The following RECQL5 variants were observed in gnomAD, a reference collection of about 807,000 sequenced individuals.
RECQL5 encodes the protein RecQ like helicase 5.
RECQL5 carries 88 observed loss-of-function variants against 103.4 expected under a neutral mutation model. That is an observed-to-expected ratio of 0.85 (90% CI 0.72 to 1.02). The LOEUF is 1.02. RECQL5 is among the 50% of genes least tolerant of loss of function. RECQL5 has a pLI of 0.00. For missense variants in RECQL5, 1,232 were observed against 1,284.3 expected (o/e 0.96, Z 0.62); for synonymous variants, 552 against 507.9 (o/e 1.09, Z -1.17).
At chr17:75,652,864 A>C (rs1197306079) in intron 7 of RECQL5, among the ~76,000 whole-genome samples, 1 of 152,246 alleles carries the variant, frequency 6.6e-6, no homozygotes, top group Non-Finnish European at 1.5e-5. Context: ...TTAAGTTACC[A>C]ACAACTACCA....
At chr17:75,651,393 A>AGTG in intron 7 of RECQL5, 128 bp from the exon 8 acceptor site, 1 of 1,044,886 alleles carries the variant, frequency 9.6e-7, no homozygotes, top group Non-Finnish European at 1.4e-6. Flanking sequence ...AGGCTGAGCC[A>AGTG]GGAGGATCAT....
rs55982817 is a variant in RECQL5 at position 75,630,841 on chromosome 17, TG to T, written c.1586-5del. The T allele has an allele frequency of 0.029, 31,964 of 1,096,560 alleles. 23 individuals are homozygous for T. The highest frequency in any genetic ancestry group is 0.12 in the East Asian group (3,598 of 30,480). 67.9% of individuals were successfully genotyped at this position (1,096,560 alleles called of 1,614,324 possible). Reference sequence around the variant, plus strand: ...TCTTTCAGGGGACAGTTCTCATCTGTGGGGGGGGGGGGTGGTCCTTGGTCCT... The same window carrying T: ...TCTTTCAGGGGACAGTTCTCATCTGTGGGGGGGGGGGTGGTCCTTGGTCCT... On this transcript the variant is annotated splice_region_variant and splice_polypyrimidine_tract_variant and intron_variant, in intron 11 of 19. Transcript: ENST00000317905.
At chr17:75,631,288 T>C in intron 9 of RECQL5, 39 bp from the exon 10 acceptor site, 2 of 1,594,638 alleles carry the variant, frequency 1.3e-6, no homozygotes, top group Non-Finnish European at 1.7e-6. Context: ...TGGCCTGGGC[T>C]CTGCCCTCCC....
intron 8 of RECQL5, chr17:75,635,801 C>A: frequency 1.0e-6 from 1 of 985,482 alleles, no homozygotes; most frequent in Non-Finnish European, 1.2e-6. Context: ...GCTGCCAACA[C>A]ACCTCGCTTA....
intron 4 of RECQL5, 96 bp downstream of exon 4, chr17:75,662,383 A>G: frequency 7.5e-7 from 1 of 1,326,724 alleles, no homozygotes; most frequent in East Asian, 2.3e-5. Context: ...TGGCTGAGAA[A>G]GCTAGAAAAA....
Position 75,628,978 on chromosome 17 carries a change from C to A in RECQL5, c.2445G>T (p.Ser815=). 1 of 1,563,598 alleles carries A rather than the reference C, an allele frequency of 6.4e-7. No individual in the cohort carries two copies. The change falls in exon 16 of 20, where the codon TCG becomes TCT. Residue 815 remains serine (S), a synonymous_variant. Transcript: ENST00000317905. ...ACTCCTCAGTCTGGGGAGGGGCAGG[C>A]GAATGTCCCCCGGCTCCATCTTCCT... ...TGEEDGAGGH[S]PAPPQTEECL... is the part of the protein sequence containing the mutation.
chr17:75,665,561 G>A (rs1205552369), intron 2 of RECQL5, among the ~76,000 whole-genome samples: 1 of 151,992 alleles, frequency 6.6e-6, no homozygotes, highest in African/African-American at 2.4e-5. Context: ...ATGGTGGCAC[G>A]TGCCTGTAAT....
In RECQL5 at chr17:75,628,428, G is replaced by A. The variant is rs2059143708; in HGVS notation, c.2595C>T (p.Ser865=). 2 of 1,613,378 alleles carry A rather than the reference G, an allele frequency of 1.2e-6. No individual in the cohort carries two copies. Among genetic ancestry groups the A allele is most frequent in the Admixed American group, 1.7e-5 (1 of 60,002 alleles). ...AGGGGCGTGGCCTCTTCTGAGGCTGGCTCTCTGGGTTCTCCTGAGAAGGGC... is the reference window on the plus strand; with the variant it reads ...AGGGGCGTGGCCTCTTCTGAGGCTGACTCTCTGGGTTCTCCTGAGAAGGGC... ...RPRSQQENPE[S]QPQKRPRPSA... Residue 865 remains serine, a synonymous_variant, in exon 18 of 20, where the codon AGC becomes AGT. Transcript: ENST00000317905.
intron 3 of RECQL5, among the ~76,000 whole-genome samples, chr17:75,663,750 G>A (rs1305375252): frequency 6.6e-6 from 1 of 152,134 alleles, no homozygotes; most frequent in East Asian, 1.9e-4. Context: ...ATTTACATCT[G>A]AGAGGTGAAA....
chr17:75,634,334 G>A, intron 8 of RECQL5: 3 of 876,958 alleles, frequency 3.4e-6, no homozygotes, highest in Non-Finnish European at 4.1e-6. Context: ...TCGCTTCCCT[G>A]CAGGGAAGTC....
intron 14 of RECQL5, 80 bp downstream of exon 14, chr17:75,630,104 A>G (rs1048626860): frequency 7.8e-7 from 1 of 1,281,286 alleles, no homozygotes; most frequent in East Asian, 2.6e-5. Flanking sequence ...GCCTGAGCCC[A>G]GAGAGCTGGC....
chr17:75,666,541 G>A lies in RECQL5; in HGVS notation c.17C>T (p.Thr6Ile), dbSNP rs2059785402. The change falls in exon 2 of 20, where the codon ACC becomes ATC. Residue 6 changes from threonine (T) to isoleucine (I), a missense_variant. By Grantham distance (89) the Thr-to-Ile change is moderately conservative. Transcript: ENST00000317905. ...CCGCTCAGGGTCAAAAGGAAAGGTGGTATGGTGGCTGCTCATCTTAGCCAA... is the reference window on the plus strand; with the variant it reads ...CCGCTCAGGGTCAAAAGGAAAGGTGATATGGTGGCTGCTCATCTTAGCCAA... Reference protein sequence around the residue: MSSHHTTFPFDPERRV... With the variant: MSSHHITFPFDPERRV... 1.2e-6 allele frequency: 2 copies of A among 1,614,082 alleles called. No individual in the cohort carries two copies. Among genetic ancestry groups the A allele is most frequent in the Non-Finnish European group, 1.7e-6 (2 of 1,180,024 alleles).
Position 75,658,445 on chromosome 17 carries a change from C to G in RECQL5, c.1002G>C (p.Trp334Cys). 1.2e-6 allele frequency: 2 copies of G among 1,613,634 alleles called. No homozygotes were observed. Among genetic ancestry groups the G allele is most frequent in the Non-Finnish European group, 1.7e-6 (2 of 1,179,720 alleles). ...ACCCAGCCATAGACTTGGCAATATT[C>G]CAATGGGCGACAAACCTGTAGGATC... is the stretch of plus-strand genomic sequence containing the variant. ...DKANVRFVAH[W>C]NIAKSMAGYY... The change falls in exon 7 of 20, where the codon TGG becomes TGC. Residue 334 changes from tryptophan to cysteine, a missense_variant. Physicochemically the swap from Trp to Cys is radical, Grantham distance 215. Transcript: ENST00000317905.
rs1240606366 is a variant in RECQL5, at chr17:75,631,181, A to AG, written c.1516dup (p.Leu506ProfsTer25). On this transcript the variant is annotated frameshift_variant, in exon 10 of 20. Transcript: ENST00000317905. LOFTEE classifies it high-confidence loss of function. ...CAGCTGCATCTGCTTCTGATAGAAG[A>AG]GGTTCCACTCCCGCTTGTGGGCCTC... The AG allele has an allele frequency of 1.2e-6, 2 of 1,613,934 alleles. No individual in the cohort carries two copies. The highest frequency in any genetic ancestry group is 1.7e-5 in the Admixed American group (1 of 60,028).
intron 4 of RECQL5, among the ~76,000 whole-genome samples, chr17:75,661,939 A>G (rs2059705308): frequency 6.6e-6 from 1 of 152,204 alleles, no homozygotes; most frequent in Non-Finnish European, 1.5e-5. Context: ...GGTGGGGGGA[A>G]TCACTTGAGG....
At position 75,659,723 on chromosome 17, in the gene RECQL5, G is replaced by A. The variant is rs181542337; in HGVS notation, c.986+1232C>T. Among the ~76,000 whole-genome samples the A allele has an allele frequency of 3.3e-5, 5 of 152,252 alleles. No homozygotes were observed. The East Asian group carries it at 7.7e-4, about 24-fold the overall frequency. ...CAAATGTAACGCACTATAAAATTTC[G>A]TCCCTAACTCAGGGTCACTGTGAGG... is the stretch of plus-strand genomic sequence containing the variant. On this transcript the variant is annotated intron_variant, in intron 6 of 19. Transcript: ENST00000317905.
Position 75,627,010 on chromosome 17 carries a change from C to CGTAATGGATGGGGGAGTGG in RECQL5, c.*393_*411dup. On this transcript the variant is annotated 3_prime_UTR_variant, in exon 20 of 20. Coordinates refer to ENST00000317905, the MANE Select transcript of RECQL5 (RefSeq NM_004259.7). The stretch of plus-strand genomic sequence containing the variant: ...CCTGGGCAAGGCTGGAAGCTGGCAT[C>CGTAATGGATGGGGGAGTGG]GTAATGGATGGGGGAGTGGGTGGAG... 1 of 373,000 alleles carries CGTAATGGATGGGGGAGTGG rather than the reference C, an allele frequency of 2.7e-6. No individual in the cohort carries two copies. Among genetic ancestry groups the CGTAATGGATGGGGGAGTGG allele is most frequent in the South Asian group, 2.0e-5 (1 of 49,094 alleles). 23.1% of individuals were successfully genotyped at this position (373,000 alleles called of 1,614,324 possible).
chr17:75,629,378 G>A lies in RECQL5; in HGVS notation c.2045C>T (p.Ala682Val), dbSNP rs1178900510. 1.1e-5 allele frequency: 16 copies of A among 1,511,276 alleles called. No individual in the cohort carries two copies. Among genetic ancestry groups the A allele is most frequent in the Admixed American group, 2.3e-5 (1 of 44,334 alleles). 93.6% of individuals were successfully genotyped at this position (1,511,276 alleles called of 1,614,324 possible). The change falls in exon 16 of 20, where the codon GCC becomes GTC. Residue 682 changes from alanine to valine, a missense_variant. Physicochemically the swap from Ala to Val is moderately conservative, Grantham distance 64. Transcript: ENST00000317905. ...LMETTRIREQ[A>V]PQPERGGEHE... is the part of the protein sequence containing the mutation. The stretch of plus-strand genomic sequence containing the variant: ...CTCGCCTCCCCGCTCGGGCTGGGGG[G>A]CTTGCTCCCTGATCCGAGTTGTCTC...
In RECQL5 at chr17:75,628,986, C is replaced by T; in HGVS notation, c.2437G>A (p.Gly813Arg). 6.4e-7 allele frequency: 1 copy of T among 1,564,062 alleles called. No individual in the cohort carries two copies. Among genetic ancestry groups the T allele is most frequent in the Non-Finnish European group, 8.6e-7 (1 of 1,157,902 alleles). Reference protein sequence around the residue: ...KYTGEEDGAGGHSPAPPQTEE... With the variant: ...KYTGEEDGAGRHSPAPPQTEE... ...GTCTGGGGAGGGGCAGGCGAATGTCCCCCGGCTCCATCTTCCTCCCCTGTG... is the reference window on the plus strand; with the variant it reads ...GTCTGGGGAGGGGCAGGCGAATGTCTCCCGGCTCCATCTTCCTCCCCTGTG... Residue 813 changes from glycine to arginine, a missense_variant, in exon 16 of 20, where the codon GGA becomes AGA. By Grantham distance (125) the Gly-to-Arg change is moderately radical. Transcript: ENST00000317905.
Sources: gnomAD v4.1 joint callset for allele counts (sites outside exome capture counted in the v4.1 genomes callset) on GRCh38, gnomAD v4.1.1 for gene constraint, MANE v1.5 for transcripts, NCBI Gene and HGNC (gene_info 2026-07-23, HGNC 2026-07-21) for gene names.